The following DLG2 variants were observed in gnomAD, a reference collection of about 807,000 sequenced individuals.
DLG2 encodes discs large MAGUK scaffold protein 2.
A neutral mutation model predicts 132.5 loss-of-function variants in DLG2; 45 were observed. The ratio of observed to expected loss-of-function variants is 0.34; its 90% CI spans 0.27 to 0.44. The LOEUF is 0.44. Among genes scored for constraint, DLG2 ranks in the 20% least tolerant of loss-of-function variants. The probability of loss-of-function intolerance (pLI) is 1.00; values close to 1 mark genes in which losing one functional copy is unlikely to be tolerated. For missense variants in DLG2, 1,045 were observed against 1,196.9 expected, an observed-to-expected ratio of 0.87 and a Z score of 1.87; for synonymous variants, 424 against 419.6, an observed-to-expected ratio of 1.01 and a Z score of -0.13.
chr11:84,506,300 C>T (rs1476868759), intron 7 of DLG2, among the ~76,000 whole-genome samples: 2 of 151,848 alleles, frequency 1.3e-5, no homozygotes, highest in African/African-American at 2.4e-5. Flanking sequence ...TGGTCTCGAT[C>T]TCCTGACCTC....
chr11:84,402,240 A>C (rs73523721), intron 7 of DLG2, among the ~76,000 whole-genome samples: 3,783 of 152,292 alleles, frequency 0.025, 43 homozygotes, highest in African/African-American at 0.032. Flanking sequence ...CCTAACCAGT[A>C]GGCTAGTATT....
chr11:85,456,517 T>C (rs1029593297), intron 3 of DLG2, among the ~76,000 whole-genome samples: 3 of 152,148 alleles, frequency 2.0e-5, no homozygotes, highest in African/African-American at 7.2e-5. Context: ...AGCTTTGAGA[T>C]TGGTTTGCTC....
chr11:84,818,990 T>G (rs2077370304), intron 6 of DLG2, among the ~76,000 whole-genome samples: 2 of 151,380 alleles, frequency 1.3e-5, no homozygotes, highest in Non-Finnish European at 2.9e-5. Flanking sequence ...AGCTAATACA[T>G]TTAATGAGAG....
At chr11:84,502,815 G>C (rs1410786991) in intron 7 of DLG2, among the ~76,000 whole-genome samples, 4 of 152,070 alleles carry the variant, frequency 2.6e-5, no homozygotes, top group African/African-American at 9.7e-5. Context: ...GGAAGGCATA[G>C]AAGTAGGCAA....
chr11:84,327,112 CTTTTTTTTT>C (rs11290540), intron 7 of DLG2, among the ~76,000 whole-genome samples: 1 of 119,036 alleles, frequency 8.4e-6, no homozygotes, highest in Non-Finnish European at 1.7e-5. Context: ...TAATGAGAAT[CTTTTTTTTT>C]TTTTTTTTTT....
intron 3 of DLG2, among the ~76,000 whole-genome samples, chr11:85,568,819 A>C (rs2153225101): frequency 6.6e-6 from 1 of 152,224 alleles, no homozygotes; most frequent in East Asian, 1.9e-4. Context: ...TAGTCTAGCT[A>C]AAAGTTTGTC....
At chr11:84,757,739 T>C (rs1193589512) in intron 6 of DLG2, among the ~76,000 whole-genome samples, 1 of 152,196 alleles carries the variant, frequency 6.6e-6, no homozygotes, top group Non-Finnish European at 1.5e-5. Context: ...CAAATGGCTT[T>C]AGTTGTATTT....
At chr11:83,630,566 T>C (rs554598081) in intron 19 of DLG2, among the ~76,000 whole-genome samples, 5 of 152,304 alleles carry the variant, frequency 3.3e-5, no homozygotes, top group Admixed American at 1.3e-4. Context: ...GACATTTGTG[T>C]TAGAATTTCT....
At chr11:83,926,550 G>A (rs1265604883) in intron 15 of DLG2, among the ~76,000 whole-genome samples, 3 of 152,026 alleles carry the variant, frequency 2.0e-5, no homozygotes, top group Non-Finnish European at 4.4e-5. Context: ...CTTGCACTTT[G>A]TGGATGATCC....
intron 6 of DLG2, among the ~76,000 whole-genome samples, chr11:84,667,509 T>TTTTG (rs1555150419): frequency 6.7e-6 from 1 of 148,332 alleles, no homozygotes; most frequent in African/African-American, 2.5e-5. Flanking sequence ...TTTTTTTTTT[T>TTTTG]TTTTTGAGTC....
intron 6 of DLG2, among the ~76,000 whole-genome samples, chr11:84,703,352 C>T (rs1169462320): frequency 1.3e-5 from 2 of 151,526 alleles, no homozygotes; most frequent in African/African-American, 4.8e-5. Context: ...CCCTGACTTG[C>T]TCTAAATGAT....
At chr11:85,259,827 A>G (rs2076851632) in intron 4 of DLG2, among the ~76,000 whole-genome samples, 1 of 152,114 alleles carries the variant, frequency 6.6e-6, no homozygotes, top group Non-Finnish European at 1.5e-5. Flanking sequence ...AAGGCAATTC[A>G]GAGCTATGGT....
At chr11:84,913,700 C>A (rs934582141) in intron 6 of DLG2, among the ~76,000 whole-genome samples, 1 of 151,968 alleles carries the variant, frequency 6.6e-6, no homozygotes, top group Admixed American at 6.6e-5. Flanking sequence ...ATATGAATAG[C>A]AAGGATATGA....
At chr11:83,971,538 A>ATTCC (rs1466965174) in intron 12 of DLG2, among the ~76,000 whole-genome samples, 1 of 152,158 alleles carries the variant, frequency 6.6e-6, no homozygotes, top group African/African-American at 2.4e-5. Flanking sequence ...AAGAGGAATG[A>ATTCC]GCAATATAGA....
At chr11:84,408,586 C>T (rs2098874343) in intron 7 of DLG2, among the ~76,000 whole-genome samples, 9 of 152,042 alleles carry the variant, frequency 5.9e-5, no homozygotes, top group Non-Finnish European at 5.9e-5. Flanking sequence ...AATTATAATT[C>T]AAGGTAGAAA....
At chr11:83,841,953 A>C (rs1410123163) in intron 16 of DLG2, among the ~76,000 whole-genome samples, 1 of 152,244 alleles carries the variant, frequency 6.6e-6, no homozygotes, top group Non-Finnish European at 1.5e-5. Context: ...CTTGTGAGCA[A>C]TAAGCTAAAG....
At chr11:83,872,387 C>T (rs2063643401) in intron 16 of DLG2, among the ~76,000 whole-genome samples, 1 of 152,136 alleles carries the variant, frequency 6.6e-6, no homozygotes. Context: ...AATTCTTTGA[C>T]TCTAGAGTAA....
intron 7 of DLG2, among the ~76,000 whole-genome samples, chr11:84,313,214 C>A (rs563369874): frequency 2.0e-5 from 3 of 151,950 alleles, no homozygotes; most frequent in African/African-American, 2.4e-5. Context: ...TTCCTAAGTT[C>A]AAGCAATTCT....
At chr11:84,693,045 T>C (rs1246336291) in intron 6 of DLG2, among the ~76,000 whole-genome samples, 1 of 151,722 alleles carries the variant, frequency 6.6e-6, no homozygotes, top group Admixed American at 6.6e-5. Flanking sequence ...CTCCACTATA[T>C]CAATACCTCT....
Sources: allele counts gnomAD v4.1 joint callset (sites outside exome capture counted in the v4.1 genomes callset), GRCh38; gene constraint gnomAD v4.1.1; transcripts MANE v1.5; gene names NCBI Gene and HGNC (gene_info 2026-07-23, HGNC 2026-07-21).